SCG3: variants seen among roughly 807,000 people sequenced by gnomAD.
SCG3 encodes secretogranin-3.
A neutral mutation model predicts 56.2 loss-of-function variants in SCG3; 38 were observed. The ratio of observed to expected loss-of-function variants is 0.68; its 90% CI spans 0.52 to 0.89. The LOEUF is 0.89. Ranked by LOEUF, SCG3 falls within the 40% of genes least tolerant of loss-of-function variation. The pLI, the probability that SCG3 is intolerant of heterozygous loss-of-function variation, is 0.00. For synonymous variants in SCG3, 176 were observed against 184.2 expected (o/e 0.96, Z 0.36); for missense variants, 524 against 540.7 (o/e 0.97, Z 0.31).
chr15:51,683,450 A>G lies in SCG3; in HGVS notation c.397+16A>G. The G allele has an allele frequency of 6.4e-7, 1 of 1,556,620 alleles. No individual in the cohort carries two copies. The highest frequency in any genetic ancestry group is 8.7e-7 in the Non-Finnish European group (1 of 1,148,760). Reference sequence around the variant, plus strand: ...AAATTTCAAGGTAAATGAGAAAAAAAGAACTTTTTGTTAACGTGGAGTTTC... The same window carrying G: ...AAATTTCAAGGTAAATGAGAAAAAAGGAACTTTTTGTTAACGTGGAGTTTC... On this transcript the variant is annotated intron_variant, in intron 4 of 11. Coordinates refer to ENST00000220478, the MANE Select transcript of SCG3 (RefSeq NM_013243.4).
chr15:51,689,400 GGT>G (rs3841591), intron 6 of SCG3, 32 bp downstream of exon 6: 21,301 of 1,166,854 alleles, frequency 0.018, no homozygotes, highest in Middle Eastern at 0.022. Flanking sequence ...TATGCATGGG[GGT>G]GTGTGTGTGT....
At chr15:51,687,568 A>G (rs1175950028) in intron 4 of SCG3, among the ~76,000 whole-genome samples, 1 of 152,218 alleles carries the variant, frequency 6.6e-6, no homozygotes, top group Non-Finnish European at 1.5e-5. Flanking sequence ...AAAGATTTAC[A>G]TATTGCTTTG....
At chr15:51,719,364 C>A (rs1167637766) in intron 11 of SCG3, 44 bp from the exon 12 acceptor site, 2 of 1,382,422 alleles carry the variant, frequency 1.4e-6, no homozygotes, top group Non-Finnish European at 2.1e-6. Context: ...ATGGGATTGG[C>A]CTTTCCTGAT....
At chr15:51,719,358 G>A in intron 11 of SCG3, 50 bp from the exon 12 acceptor site, 1 of 1,265,898 alleles carries the variant, frequency 7.9e-7, no homozygotes, top group South Asian at 1.2e-5. Context: ...ACTGTAATGG[G>A]ATTGGCCTTT....
At chr15:51,691,978 A>G (rs1178630882) in intron 6 of SCG3, among the ~76,000 whole-genome samples, 181 bp from the exon 7 acceptor site, 3 of 152,178 alleles carry the variant, frequency 2.0e-5, no homozygotes, top group East Asian at 1.9e-4. Context: ...CTGAGCTTCA[A>G]TGACCTTTTC....
chr15:51,704,278 T>TATATATAA lies in SCG3; in HGVS notation c.1207+3035_1207+3036insTATATAAA, dbSNP rs1390526701. Among the ~76,000 whole-genome samples the TATATATAA allele has an allele frequency of 1.2e-4, 16 of 131,362 alleles. No individual in the cohort carries two copies. The East Asian group carries it at 2.1e-3, about 18-fold the overall frequency. The allele number at this position is 131,362 out of a possible 152,430, so 86.2% of individuals were successfully genotyped here. On this transcript the variant is annotated intron_variant, in intron 10 of 11. Transcript: ENST00000220478. Reference sequence around the variant, plus strand: ...ATATATATATATATATATATATATATAAAATAGCTCTTTTTTGAAATTGTG... The same window carrying TATATATAA: ...ATATATATATATATATATATATATATATATATAAAAAATAGCTCTTTTTTGAAATTGTG...
intron 11 of SCG3, among the ~76,000 whole-genome samples, chr15:51,717,281 T>C (rs2622778): frequency 0.24 from 35,565 of 151,092 alleles, 4,880 homozygotes; most frequent in Non-Finnish European, 0.3. Flanking sequence ...GGCAGAAGAA[T>C]GGCGTGAACC....
chr15:51,688,194 G>A (rs1222331455), intron 4 of SCG3, 66 bp from the exon 5 acceptor site: 2 of 1,441,430 alleles, frequency 1.4e-6, no homozygotes, highest in Non-Finnish European at 1.9e-6. Context: ...CAGATTATAA[G>A]TATAATATGA....
chr15:51,699,409 T>G lies in SCG3; in HGVS notation c.1069+7T>G. 6.4e-7 allele frequency: 1 copy of G among 1,557,078 alleles called. No homozygotes were observed. The highest frequency in any genetic ancestry group is 1.2e-5 in the South Asian group (1 of 85,496). On this transcript the variant is annotated splice_region_variant and intron_variant, in intron 9 of 11. Transcript: ENST00000220478. The stretch of plus-strand genomic sequence containing the variant: ...ATAAGCAAGCTTTTCCCAGGTATGA[T>G]TATTTAACTATTTTTTTAGCCTTTA...
In SCG3 at chr15:51,710,055, G is replaced by C. The variant is rs1342390197; in HGVS notation, c.1208-3278G>C. Among the ~76,000 whole-genome samples the C allele has an allele frequency of 7.9e-5, 12 of 151,556 alleles. 1 individual carries two copies. Among genetic ancestry groups the C allele is most frequent in the Admixed American group, 7.9e-4 (12 of 15,208 alleles). On this transcript the variant is annotated intron_variant, in intron 10 of 11. Transcript: ENST00000220478. Reference sequence around the variant, plus strand: ...CCGGCCGGCTTGTAAGTTTTTTTAAGATGTAGTTTCCTAGTTTGGATTCCA... The same window carrying C: ...CCGGCCGGCTTGTAAGTTTTTTTAACATGTAGTTTCCTAGTTTGGATTCCA...
chr15:51,716,838 T>C (rs570260033), intron 11 of SCG3, among the ~76,000 whole-genome samples: 1 of 152,336 alleles, frequency 6.6e-6, no homozygotes, highest in East Asian at 1.9e-4. Flanking sequence ...GAGTGCCCCT[T>C]CCTTTGCACC....
chr15:51,710,749 CTAA>C (rs1360215252), intron 10 of SCG3, among the ~76,000 whole-genome samples: 11 of 87,058 alleles, frequency 1.3e-4, no homozygotes, highest in African/African-American at 4.2e-4. Context: ...CCATGCCTGG[CTAA>C]TTTTTTTTTT....
chr15:51,692,846 T>G (rs921618793), intron 7 of SCG3, among the ~76,000 whole-genome samples: 5 of 152,138 alleles, frequency 3.3e-5, no homozygotes, highest in African/African-American at 1.2e-4. Flanking sequence ...TCTATCACCT[T>G]ATAGTTAACA....
intron 5 of SCG3, 30 bp from the exon 6 acceptor site, chr15:51,689,189 A>G: frequency 6.2e-7 from 1 of 1,603,552 alleles, no homozygotes; most frequent in Non-Finnish European, 8.5e-7. Flanking sequence ...GGAATATAGC[A>G]GTTATATATG....
intron 11 of SCG3, among the ~76,000 whole-genome samples, chr15:51,713,744 C>A (rs564389774): frequency 1.3e-5 from 2 of 152,104 alleles, no homozygotes; most frequent in Non-Finnish European, 2.9e-5. Flanking sequence ...TTTATCTAGC[C>A]CCCCTTTCTT....
chr15:51,694,022 C>T (rs2055285716), intron 7 of SCG3: 1 of 152,136 alleles, frequency 6.6e-6, no homozygotes, highest in South Asian at 2.1e-4. Context: ...CCCATTTTTC[C>T]TCCCTCTCAA....
At chr15:51,704,268 T>TGTGTGTATAC (rs2055358873) in intron 10 of SCG3, among the ~76,000 whole-genome samples, 1 of 133,178 alleles carries the variant, frequency 7.5e-6, no homozygotes, top group Non-Finnish European at 1.5e-5. Context: ...TATATATATA[T>TGTGTGTATAC]ATATATATAT....
rs746609370 is a variant in SCG3 at position 51,683,354 on chromosome 15, A to G, written c.317A>G (p.Glu106Gly). 2 of 1,613,642 alleles carry G rather than the reference A, an allele frequency of 1.2e-6. No individual in the cohort carries two copies. Among genetic ancestry groups the G allele is most frequent in the South Asian group, 1.1e-5 (1 of 91,058 alleles). ...CCACTTGATAATAAGTTGAATGTGG[A>G]AGATGTTGATTCAACCAAGAATCGA... ...SSPLDNKLNVEDVDSTKNRKL... is the reference protein window; with the variant it reads ...SSPLDNKLNVGDVDSTKNRKL... Residue 106 changes from glutamate (E) to glycine (G), a missense_variant, in exon 4 of 12, where the codon GAA (glutamate) becomes GGA (glycine). Physicochemically the swap from Glu to Gly is moderately conservative, Grantham distance 98 (BLOSUM62 -2). Coordinates refer to ENST00000220478, the MANE Select transcript of SCG3 (RefSeq NM_013243.4).
At chr15:51,683,520 T>C in intron 4 of SCG3, 86 bp downstream of exon 4, 6 of 831,012 alleles carry the variant, frequency 7.2e-6, no homozygotes, top group Non-Finnish European at 1.1e-5. Flanking sequence ...AAATATCTTT[T>C]AAACATTCAT....
Sources: gnomAD v4.1 joint callset for allele counts (sites outside exome capture counted in the v4.1 genomes callset) on GRCh38, gnomAD v4.1.1 for gene constraint, MANE v1.5 for transcripts, NCBI Gene and HGNC (gene_info 2026-07-23, HGNC 2026-07-21) for gene names.